The following RAB3IP variants were observed in gnomAD, a reference collection of about 807,000 sequenced individuals.
RAB3IP encodes RAB3A interacting protein, also known as rab-3A-interacting protein.
A neutral mutation model predicts 59.1 loss-of-function variants in RAB3IP; 36 were observed. That is an observed-to-expected ratio of 0.61 (90% confidence interval 0.47 to 0.80). The LOEUF (loss-of-function observed/expected upper bound fraction) is 0.80. Among genes scored for constraint, RAB3IP ranks in the 30% least tolerant of loss-of-function variants. RAB3IP has a pLI of 0.00. For missense variants in RAB3IP, 511 were observed against 536.0 expected (o/e 0.95, Z 0.46); for synonymous variants, 207 against 191.2 (o/e 1.08, Z -0.68).
chr12:69,808,563 C>T (rs1267364162), intron 8 of RAB3IP, among the ~76,000 whole-genome samples: 1 of 152,136 alleles, frequency 6.6e-6, no homozygotes, highest in Non-Finnish European at 1.5e-5. Flanking sequence ...TCACTAAGGA[C>T]TTGCTTTATG....
At chr12:69,755,761 T>A in intron 2 of RAB3IP, 102 bp downstream of exon 2, 2 of 921,076 alleles carry the variant, frequency 2.2e-6, no homozygotes, top group Non-Finnish European at 3.2e-6. Context: ...TTGAATAACT[T>A]AAGTGTGCCT....
At chr12:69,775,835 T>C (rs1873829890) in intron 3 of RAB3IP, among the ~76,000 whole-genome samples, 1 of 80,472 alleles carries the variant, frequency 1.2e-5, no homozygotes, top group African/African-American at 4.7e-5. Flanking sequence ...TTGAGGATTT[T>C]TGCATCAATG....
At chr12:69,799,396 T>TG (rs1415136704) in intron 6 of RAB3IP, among the ~76,000 whole-genome samples, 2 of 152,140 alleles carry the variant, frequency 1.3e-5, no homozygotes, top group African/African-American at 4.8e-5. Flanking sequence ...GCTATTGAGC[T>TG]GGACTGAGGG....
At chr12:69,784,411 G>A (rs1337815084) in intron 3 of RAB3IP, among the ~76,000 whole-genome samples, 2 of 150,616 alleles carry the variant, frequency 1.3e-5, no homozygotes, top group Non-Finnish European at 3.0e-5. Flanking sequence ...AGGAAAAAAA[G>A]AAGTCATTTT....
At chr12:69,784,361 CCTTA>C (rs1401258126) in intron 3 of RAB3IP, among the ~76,000 whole-genome samples, 2 of 150,966 alleles carry the variant, frequency 1.3e-5, no homozygotes, top group Non-Finnish European at 3.0e-5. Flanking sequence ...TAATTAAATT[CCTTA>C]CTTGATGGAA....
intron 1 of RAB3IP, among the ~76,000 whole-genome samples, chr12:69,752,130 A>G (rs1409180802): frequency 6.6e-6 from 1 of 150,562 alleles, no homozygotes; most frequent in African/African-American, 2.4e-5. Context: ...TAGCCTCCCA[A>G]GTGGTTAGGA....
rs1370931534 is a variant in RAB3IP at position 69,815,245 on chromosome 12, T to C, written c.1301-119T>C. On this transcript the variant is annotated intron_variant, in intron 10 of 10. Coordinates refer to ENST00000247833, the MANE Select transcript of RAB3IP (RefSeq NM_022456.5). ...AAGTTTATGTGAATTATTGAAAAAA[T>C]GTAGGTACATCTTTAGGAAATGCAC... The C allele has an allele frequency of 7.4e-6, 5 of 673,974 alleles. No homozygotes were observed. The East Asian group carries it at 1.4e-4, about 19-fold the overall frequency. 41.7% of individuals were successfully genotyped at this position (673,974 alleles called of 1,614,324 possible).
At position 69,800,980 on chromosome 12, in the gene RAB3IP, A is replaced by C. The variant is rs144373099; in HGVS notation, c.1018-629A>C. Among the ~76,000 whole-genome samples, 419 of 152,346 alleles carry C rather than the reference A, an allele frequency of 2.8e-3. 2 individuals carry two copies. The highest frequency in any genetic ancestry group is 9.7e-3 in the African/African-American group (405 of 41,584). ...TAACGTTGCTTACCAGGAGAAGTTA[A>C]GATGAACATTTTTCACACTTTTGGT... On this transcript the variant is annotated intron_variant, in intron 7 of 10. Coordinates refer to ENST00000247833, the MANE Select transcript of RAB3IP (RefSeq NM_022456.5).
At chr12:69,746,100 T>A (rs896364130) in intron 1 of RAB3IP, among the ~76,000 whole-genome samples, 3 of 152,172 alleles carry the variant, frequency 2.0e-5, no homozygotes, top group African/African-American at 4.8e-5. Context: ...ATCCCCTCAT[T>A]CCCAGTGCAT....
intron 6 of RAB3IP, among the ~76,000 whole-genome samples, chr12:69,796,983 C>T (rs1429895038): frequency 1.3e-4 from 20 of 152,128 alleles, no homozygotes; most frequent in Admixed American, 7.9e-4. Flanking sequence ...TCTTCAGGTA[C>T]GTGTTATAGT....
intron 1 of RAB3IP, chr12:69,739,946 T>A: frequency 6.9e-7 from 1 of 1,456,614 alleles, no homozygotes; most frequent in Non-Finnish European, 9.6e-7. Flanking sequence ...ATGGAAATGT[T>A]GCCTGTTCGG....
chr12:69,787,294 A>G (rs942505697), intron 4 of RAB3IP, among the ~76,000 whole-genome samples: 1 of 152,186 alleles, frequency 6.6e-6, no homozygotes, highest in African/African-American at 2.4e-5. Context: ...TTGAGATAAT[A>G]TAAAATTAAG....
At chr12:69,779,898 T>C (rs1874377411) in intron 3 of RAB3IP, among the ~76,000 whole-genome samples, 1 of 152,184 alleles carries the variant, frequency 6.6e-6, no homozygotes, top group East Asian at 1.9e-4. Context: ...TTCTGAATGC[T>C]TGTGGATGTA....
chr12:69,772,222 A>G (rs1873240023), intron 3 of RAB3IP, among the ~76,000 whole-genome samples: 1 of 152,132 alleles, frequency 6.6e-6, no homozygotes, highest in Admixed American at 6.6e-5. Context: ...TAATATAAGT[A>G]TAGGTAGCTA....
chr12:69,796,829 A>G (rs903622764), intron 6 of RAB3IP, among the ~76,000 whole-genome samples: 1 of 152,208 alleles, frequency 6.6e-6, no homozygotes, highest in Non-Finnish European at 1.5e-5. Flanking sequence ...CAGTATGTGT[A>G]AGTAATTATG....
At chr12:69,755,266 T>C (rs1220983793) in intron 1 of RAB3IP, 118 bp from the exon 2 acceptor site, 1 of 949,572 alleles carries the variant, frequency 1.1e-6, no homozygotes, top group African/African-American at 1.7e-5. Flanking sequence ...AAAGCCTCTT[T>C]TATTGTAAGC....
rs957573044 is a variant in RAB3IP at position 69,818,543 on chromosome 12, T to C, written c.*3097T>C. On this transcript the variant is annotated 3_prime_UTR_variant, in exon 11 of 11. Transcript: ENST00000247833. ...GCACAGGTCCCCCAGATCACACATATAAGAATGTTCTGGAATAAATTAAAA... is the reference window on the plus strand; with the variant it reads ...GCACAGGTCCCCCAGATCACACATACAAGAATGTTCTGGAATAAATTAAAA... 5 of 152,066 alleles carry C rather than the reference T, an allele frequency of 3.3e-5. No homozygotes were observed. Among genetic ancestry groups the C allele is most frequent in the Non-Finnish European group, 5.9e-5 (4 of 68,022 alleles). The allele number at this position is 152,066 out of a possible 1,614,324, so 9.4% of individuals were successfully genotyped here. A position where few individuals can be genotyped will look rare whatever the true frequency, so the allele number is the denominator to read the frequency against.
At position 69,755,498 on chromosome 12, in the gene RAB3IP, T is replaced by G; in HGVS notation, c.90T>G (p.Thr30=). Residue 30 remains threonine, a synonymous_variant, in exon 2 of 11, where the codon ACT becomes ACG. Transcript: ENST00000247833. Reference sequence around the variant, plus strand: ...TTCTTGGTGTGTATGAATCAGGAACTCAAGAGCAGACTACCTCACCAAGTG... The same window carrying G: ...TTCTTGGTGTGTATGAATCAGGAACGCAAGAGCAGACTACCTCACCAAGTG... The part of the protein sequence containing the change: ...PDLLGVYESG[T]QEQTTSPSVI... The G allele has an allele frequency of 1.2e-6, 2 of 1,614,128 alleles. No individual in the cohort carries two copies. The highest frequency in any genetic ancestry group is 1.7e-6 in the Non-Finnish European group (2 of 1,180,010).
At chr12:69,745,266 A>G (rs1352455375) in intron 1 of RAB3IP, among the ~76,000 whole-genome samples, 2 of 152,018 alleles carry the variant, frequency 1.3e-5, no homozygotes, top group African/African-American at 4.8e-5. Context: ...TTTGTTCTTT[A>G]TTTATTTTTT....
Sources: allele counts gnomAD v4.1 joint callset (sites outside exome capture counted in the v4.1 genomes callset), GRCh38; gene constraint gnomAD v4.1.1; transcripts MANE v1.5; gene names NCBI Gene and HGNC (gene_info 2026-07-23, HGNC 2026-07-21).